Variants in CPVL observed in about 807,000 individuals in gnomAD.
The protein encoded by CPVL is carboxypeptidase vitellogenic like, also known as probable serine carboxypeptidase CPVL.
Under a neutral mutation model 63.7 loss-of-function variants are expected in CPVL, and 51 were observed. That is an observed-to-expected ratio of 0.80 (90% CI 0.64 to 1.01). The LOEUF (loss-of-function observed/expected upper bound fraction) is 1.01, where lower values mean the gene tolerates loss of function less well. CPVL is among the 50% of genes least tolerant of loss of function. The probability of loss-of-function intolerance (pLI) is 0.00; values close to 1 mark genes in which losing one functional copy is unlikely to be tolerated. For synonymous variants in CPVL, 195 were observed against 206.0 expected, an observed-to-expected ratio of 0.95 and a Z score of 0.46; for missense variants, 530 against 573.1, an observed-to-expected ratio of 0.92 and a Z score of 0.77.
At chr7:28,997,103 T>G (rs1325710005) in intron 12 of CPVL, among the ~76,000 whole-genome samples, 2 of 152,048 alleles carry the variant, frequency 1.3e-5, no homozygotes, top group Non-Finnish European at 2.9e-5. Context: ...ATATTCCAAG[T>G]AGAGGGAAAC....
chr7:29,165,038 T>A (rs1713665525), intron 5 of CPVL, among the ~76,000 whole-genome samples: 1 of 152,112 alleles, frequency 6.6e-6, no homozygotes, highest in African/African-American at 2.4e-5. Context: ...CTATTCTACA[T>A]CTTTTGAACT....
At chr7:29,155,937 G>A (rs1487479720) in intron 5 of CPVL, among the ~76,000 whole-genome samples, 2 of 152,216 alleles carry the variant, frequency 1.3e-5, no homozygotes, top group Non-Finnish European at 2.9e-5. Context: ...TAGATCTAGA[G>A]ACGGCCACGT....
chr7:29,171,847 A>G (rs977260442), intron 5 of CPVL, among the ~76,000 whole-genome samples: 1 of 152,324 alleles, frequency 6.6e-6, no homozygotes. Flanking sequence ...TGAAGCTTTC[A>G]AGCATGCCGT....
chr7:29,115,982 T>C (rs1374550475), intron 2 of CPVL, among the ~76,000 whole-genome samples: 1 of 152,192 alleles, frequency 6.6e-6, no homozygotes, highest in East Asian at 1.9e-4. Context: ...TTTCAGACCT[T>C]CCCTCCTAGG....
chr7:29,147,107 A>C, upstream of CPVL: 1 of 1,096,966 alleles, frequency 9.1e-7, no homozygotes, highest in South Asian at 1.6e-5. Context: ...TAACCCATCC[A>C]GGGTCACATT....
chr7:29,175,076 G>C (rs905131350), intron 5 of CPVL, among the ~76,000 whole-genome samples: 1 of 152,076 alleles, frequency 6.6e-6, no homozygotes, highest in African/African-American at 2.4e-5. Context: ...TGTTGTGGCA[G>C]GGACCCAGTG....
At chr7:29,148,163 G>A (rs1793036379), upstream of CPVL, among the ~76,000 whole-genome samples, 1 of 152,218 alleles carries the variant, frequency 6.6e-6, no homozygotes. Context: ...AGCAGGCTCA[G>A]TGCCATTTGG....
intron 12 of CPVL, among the ~76,000 whole-genome samples, chr7:28,996,640 T>C (rs181271041): frequency 1.6e-4 from 25 of 152,234 alleles, no homozygotes; most frequent in Admixed American, 7.9e-4. Context: ...TTCTTTTTTT[T>C]CCTAATATTG....
At chr7:29,028,477 A>G (rs1197471618) in intron 12 of CPVL, among the ~76,000 whole-genome samples, 1 of 152,224 alleles carries the variant, frequency 6.6e-6, no homozygotes, top group East Asian at 1.9e-4. Context: ...TGATAAAACC[A>G]TAAACAGACA....
intron 3 of CPVL, among the ~76,000 whole-genome samples, chr7:29,111,483 G>C (rs376872961): frequency 6.6e-6 from 1 of 152,174 alleles, no homozygotes; most frequent in Non-Finnish European, 1.5e-5. Flanking sequence ...GCAAGCTCTA[G>C]GCATCTCACT....
chr7:28,995,956 G>A, intron 12 of CPVL, 74 bp from the exon 13 acceptor site: 1 of 835,048 alleles, frequency 1.2e-6, no homozygotes, highest in East Asian at 2.7e-5. Context: ...TTTTCATTCA[G>A]ATTAAACTCT....
Position 29,168,245 on chromosome 7 carries a change from A to G in CPVL, c.-11+13045T>C, listed in dbSNP as rs531613718. 3.5e-4 allele frequency among the ~76,000 whole-genome samples: 54 copies of G among 152,134 alleles called. 1 individual carries two copies. Among genetic ancestry groups the G allele is most frequent in the Admixed American group, 3.2e-3 (49 of 15,288 alleles). On this transcript the variant is annotated intron_variant, in intron 5 of 16. Coordinates refer to the CPVL transcript ENST00000409850. ...ATTTGTTTGTTTAAACCATCTTTCA[A>G]TGGGTTTCTTTGTCTTTCTCTTATT... is the stretch of plus-strand genomic sequence containing the variant.
At chr7:29,091,223 T>G (rs562916029) in intron 6 of CPVL, among the ~76,000 whole-genome samples, 1 of 152,280 alleles carries the variant, frequency 6.6e-6, no homozygotes, top group East Asian at 1.9e-4. Context: ...CATCCCCATA[T>G]GGAGGGGCAA....
At chr7:29,123,758 A>G (rs1314645218) in intron 1 of CPVL, among the ~76,000 whole-genome samples, 2 of 147,156 alleles carry the variant, frequency 1.4e-5, no homozygotes, top group African/African-American at 5.0e-5. Context: ...CATGCCATCT[A>G]ATTTCTCAAT....
Position 29,075,519 on chromosome 7 carries a change from TAA to T in CPVL, c.610-3098_610-3097del, listed in dbSNP as rs10658501. ...TCTTTTCTATTGAGAAGATACTTCT[TAA>T]AAAAAAAAAAAAAAAAGCCATCACT... On this transcript the variant is annotated intron_variant, in intron 7 of 12. Transcript: ENST00000265394. Among the ~76,000 whole-genome samples the T allele has an allele frequency of 2.9e-4, 37 of 128,952 alleles. 1 individual carries two copies. The highest frequency in any genetic ancestry group is 6.9e-4 in the East Asian group (3 of 4,346). The allele number at this position is 128,952 out of a possible 152,430, so 84.6% of individuals were successfully genotyped here.
chr7:29,111,372 C>T lies in CPVL; in HGVS notation c.288+1332G>A, dbSNP rs1338373129. Among the ~76,000 whole-genome samples the T allele has an allele frequency of 3.3e-5, 5 of 152,320 alleles. No individual in the cohort carries two copies. In the East Asian group the frequency reaches 7.7e-4, roughly 24 times the overall value. On this transcript the variant is annotated intron_variant, in intron 3 of 12. Transcript: ENST00000265394. ...CGATTCCACCTGGCTCCCAGTTGGGCTCTACCTATGGGAGGCACCAAGCAA... is the reference window on the plus strand; with the variant it reads ...CGATTCCACCTGGCTCCCAGTTGGGTTCTACCTATGGGAGGCACCAAGCAA...
In CPVL at chr7:29,120,926, T is replaced by TGAGAAATA. The variant is rs1312261536; in HGVS notation, c.128_135dup (p.Thr46TyrfsTer18). ...ATCTTCCCAGCTTCAATGTAAGGGGTGAGAAATAATGGCTGTCCTGAGTCT... is the reference window on the plus strand; with the variant it reads ...ATCTTCCCAGCTTCAATGTAAGGGGTGAGAAATAGAGAAATAATGGCTGTCCTGAGTCT... On this transcript the variant is annotated frameshift_variant, in exon 2 of 13. Transcript: ENST00000265394. 2 of 1,611,828 alleles carry TGAGAAATA rather than the reference T, an allele frequency of 1.2e-6. No individual in the cohort carries two copies. The highest frequency in any genetic ancestry group is 2.2e-5 in the South Asian group (2 of 90,868).
At chr7:29,093,889 G>A (rs1034844463) in intron 5 of CPVL, among the ~76,000 whole-genome samples, 2 of 152,220 alleles carry the variant, frequency 1.3e-5, no homozygotes, top group Non-Finnish European at 2.9e-5. Context: ...AGTGAGAGAA[G>A]TTAAAGATTT....
At chr7:29,083,711 G>A (rs1430521661) in intron 7 of CPVL, among the ~76,000 whole-genome samples, 1 of 152,176 alleles carries the variant, frequency 6.6e-6, no homozygotes, top group African/African-American at 2.4e-5. Context: ...CACACCTGAC[G>A]TTAAATCAAT....
Sources: allele counts gnomAD v4.1 joint callset (sites outside exome capture counted in the v4.1 genomes callset), GRCh38; gene constraint gnomAD v4.1.1; transcripts MANE v1.5; gene names NCBI Gene and HGNC (gene_info 2026-07-23, HGNC 2026-07-21).